ZMAT4: variants seen among roughly 807,000 people sequenced by gnomAD.
ZMAT4 encodes zinc finger matrin-type 4, also known as zinc finger matrin-type protein 4.
ZMAT4 carries 17 observed loss-of-function variants against 28.7 expected under a neutral mutation model. The ratio of observed to expected loss-of-function variants is 0.59; its 90% CI spans 0.41 to 0.89. ZMAT4 has a LOEUF of 0.89. ZMAT4 is among the 40% of genes least tolerant of loss of function. ZMAT4 has a pLI of 0.00. For synonymous variants in ZMAT4, 117 were observed against 109.2 expected (o/e 1.07, Z -0.44); for missense variants, 240 against 283.8 (o/e 0.85, Z 1.11).
intron 6 of ZMAT4, among the ~76,000 whole-genome samples, chr8:40,576,702 T>G (rs1039712677): frequency 6.6e-6 from 1 of 152,016 alleles, no homozygotes; most frequent in Non-Finnish European, 1.5e-5. Flanking sequence ...ATAACTACCA[T>G]TATAAAAATA....
chr8:40,572,454 A>G (rs896640378), intron 6 of ZMAT4, among the ~76,000 whole-genome samples: 3 of 152,164 alleles, frequency 2.0e-5, no homozygotes, highest in East Asian at 1.9e-4. Context: ...AGACACTTGT[A>G]TCTCATTTTC....
At chr8:40,737,312 A>G (rs1375644964) in intron 3 of ZMAT4, among the ~76,000 whole-genome samples, 4 of 152,100 alleles carry the variant, frequency 2.6e-5, no homozygotes, top group Admixed American at 2.0e-4. Context: ...CAAGGAAACC[A>G]AAAGATTGGA....
chr8:40,595,027 G>C (rs1301540329), intron 5 of ZMAT4, among the ~76,000 whole-genome samples: 1 of 152,110 alleles, frequency 6.6e-6, no homozygotes, highest in Non-Finnish European at 1.5e-5. Flanking sequence ...GAGTGATTGA[G>C]GTTATTAAAT....
intron 3 of ZMAT4, among the ~76,000 whole-genome samples, chr8:40,761,438 G>C (rs1812932912): frequency 6.6e-6 from 1 of 151,856 alleles, no homozygotes; most frequent in Non-Finnish European, 1.5e-5. Flanking sequence ...CCAAGAACAG[G>C]CGCCCCGTCA....
intron 3 of ZMAT4, among the ~76,000 whole-genome samples, chr8:40,731,525 C>T (rs1378694425): frequency 6.6e-6 from 1 of 151,874 alleles, no homozygotes; most frequent in Non-Finnish European, 1.5e-5. Flanking sequence ...CTCAAATTAT[C>T]AACAAAAAGG....
At chr8:40,739,468 A>T (rs1282017170) in intron 3 of ZMAT4, among the ~76,000 whole-genome samples, 1 of 152,200 alleles carries the variant, frequency 6.6e-6, no homozygotes, top group African/African-American at 2.4e-5. Flanking sequence ...CTGATAGTAG[A>T]TGACAAGCTT....
At position 40,582,243 on chromosome 8, in the gene ZMAT4, G is replaced by A. The variant is rs142188881; in HGVS notation, c.578-982C>T. Among the ~76,000 whole-genome samples, 179 of 152,254 alleles carry A rather than the reference G, an allele frequency of 1.2e-3. 2 individuals carry two copies. In the East Asian group the frequency reaches 0.013, roughly 11 times the overall value. ...GGTGAATAAGATATTACAATGGCCC[G>A]TAATCCCAATGATTTGGGAGGCCGA... On this transcript the variant is annotated intron_variant, in intron 5 of 6. Transcript: ENST00000297737.
At chr8:40,657,739 C>A (rs1234842215) in intron 5 of ZMAT4, among the ~76,000 whole-genome samples, 1 of 152,058 alleles carries the variant, frequency 6.6e-6, no homozygotes, top group Non-Finnish European at 1.5e-5. Context: ...CAAAGTTGAA[C>A]AAAATGATCT....
rs74485033 is a variant in ZMAT4, at chr8:40,777,168, C to A, written c.103-9438G>T. ...ACAATGGGAAGGATAACAGGGATAG[C>A]AGCAATACTTAAAAACAAGATATTA... On this transcript the variant is annotated intron_variant, in intron 2 of 6. Transcript: ENST00000297737. Among the ~76,000 whole-genome samples the A allele has an allele frequency of 3.9e-4, 59 of 152,194 alleles. No homozygotes were observed. In the East Asian group the frequency reaches 6.7e-3, roughly 17 times the overall value.
chr8:40,703,735 T>C (rs1490188238), intron 3 of ZMAT4, among the ~76,000 whole-genome samples: 1 of 152,196 alleles, frequency 6.6e-6, no homozygotes. Context: ...GTGAGTTTTG[T>C]GACATATGAA....
chr8:40,797,438 AT>A (rs1814647283), intron 2 of ZMAT4, among the ~76,000 whole-genome samples: 1 of 152,120 alleles, frequency 6.6e-6, no homozygotes, highest in Non-Finnish European at 1.5e-5. Flanking sequence ...AGCCCAATAC[AT>A]CCTTACTGAA....
At chr8:40,559,683 T>C (rs1167374522) in intron 6 of ZMAT4, among the ~76,000 whole-genome samples, 1 of 152,002 alleles carries the variant, frequency 6.6e-6, no homozygotes, top group African/African-American at 2.4e-5. Context: ...GTTGACTCAG[T>C]GGATAGGGCA....
At chr8:40,737,662 A>T (rs1585968571) in intron 3 of ZMAT4, among the ~76,000 whole-genome samples, 1 of 152,324 alleles carries the variant, frequency 6.6e-6, no homozygotes, top group South Asian at 2.1e-4. Flanking sequence ...AAATGAGATG[A>T]GAAGCCTGCG....
intron 4 of ZMAT4, among the ~76,000 whole-genome samples, chr8:40,679,703 T>C (rs1809070831): frequency 6.6e-6 from 1 of 152,126 alleles, no homozygotes; most frequent in South Asian, 2.1e-4. Flanking sequence ...AAGATGAGAT[T>C]TGGGTGGGGA....
intron 3 of ZMAT4, among the ~76,000 whole-genome samples, chr8:40,701,961 C>T (rs1478628739): frequency 1.3e-5 from 2 of 152,118 alleles, no homozygotes; most frequent in East Asian, 3.9e-4. Context: ...AGAGATGGGA[C>T]CTTTAAGAAG....
chr8:40,566,806 T>C (rs1178648423), intron 6 of ZMAT4, among the ~76,000 whole-genome samples: 1 of 152,024 alleles, frequency 6.6e-6, no homozygotes, highest in African/African-American at 2.4e-5. Context: ...GACAACTAGG[T>C]GCTAATTTAG....
At chr8:40,819,492 C>A (rs1275435593) in intron 2 of ZMAT4, among the ~76,000 whole-genome samples, 1 of 152,108 alleles carries the variant, frequency 6.6e-6, no homozygotes, top group Non-Finnish European at 1.5e-5. Flanking sequence ...GCCTGTGCAT[C>A]CCCTGTCAGT....
At chr8:40,732,078 G>C (rs1363555504) in intron 3 of ZMAT4, among the ~76,000 whole-genome samples, 1 of 152,068 alleles carries the variant, frequency 6.6e-6, no homozygotes, top group Non-Finnish European at 1.5e-5. Flanking sequence ...GAATCAGGGA[G>C]GTATTGTTTA....
chr8:40,881,749 C>G (rs115997205), intron 1 of ZMAT4, among the ~76,000 whole-genome samples: 1,772 of 152,190 alleles, frequency 0.012, 33 homozygotes, highest in African/African-American at 0.04. Context: ...AACACCCATT[C>G]TTTTCCTTGT....
Sources: allele counts gnomAD v4.1 joint callset (sites outside exome capture counted in the v4.1 genomes callset), GRCh38; gene constraint gnomAD v4.1.1; transcripts MANE v1.5; gene names NCBI Gene and HGNC (gene_info 2026-07-23, HGNC 2026-07-21).